The following KCNMA1 variants were observed in gnomAD, a reference collection of about 807,000 sequenced individuals.
KCNMA1 encodes potassium calcium-activated channel subfamily M alpha 1.
Under a neutral mutation model 140.0 loss-of-function variants are expected in KCNMA1, and 29 were observed. That is an observed-to-expected ratio of 0.21 (90% CI 0.15 to 0.28). The LOEUF is 0.28. Among genes scored for constraint, KCNMA1 ranks in the 10% least tolerant of loss-of-function variants. The probability of loss-of-function intolerance (pLI) is 1.00; values close to 1 mark genes in which losing one functional copy is unlikely to be tolerated. For missense variants in KCNMA1, 880 were observed against 1,602.2 expected (o/e 0.55, Z 7.70); for synonymous variants, 612 against 611.9 (o/e 1.00, Z 0.00).
intron 2 of KCNMA1, among the ~76,000 whole-genome samples, chr10:77,298,754 C>T (rs1462573698): frequency 1.3e-5 from 2 of 152,280 alleles, no homozygotes; most frequent in African/African-American, 4.8e-5. Context: ...AGAGAAATGG[C>T]CCTCGGCATC....
chr10:77,437,660 A>C (rs927463646), intron 1 of KCNMA1, among the ~76,000 whole-genome samples: 3 of 152,152 alleles, frequency 2.0e-5, no homozygotes, highest in Non-Finnish European at 4.4e-5. Context: ...CATTGGACCA[A>C]GCTTCTGAAT....
chr10:77,342,922 G>A (rs2091301568), intron 2 of KCNMA1, among the ~76,000 whole-genome samples: 1 of 152,186 alleles, frequency 6.6e-6, no homozygotes, highest in African/African-American at 2.4e-5. Context: ...CTGCAGGGCT[G>A]TGGAAAGGAC....
chr10:76,966,629 C>T (rs963839634), intron 20 of KCNMA1, among the ~76,000 whole-genome samples: 26 of 152,142 alleles, frequency 1.7e-4, no homozygotes, highest in Non-Finnish European at 7.3e-5. Flanking sequence ...GGCACCACCC[C>T]ACTAAGTAGG....
intron 2 of KCNMA1, among the ~76,000 whole-genome samples, chr10:77,313,390 C>T (rs555163703): frequency 2.6e-5 from 4 of 152,292 alleles, no homozygotes; most frequent in East Asian, 1.9e-4. Flanking sequence ...AAGCCACTCA[C>T]GACAGAGTCC....
intron 3 of KCNMA1, among the ~76,000 whole-genome samples, chr10:77,212,021 T>C (rs2046251138): frequency 6.6e-6 from 1 of 152,192 alleles, no homozygotes; most frequent in Non-Finnish European, 1.5e-5. Flanking sequence ...GTTCAGCCAA[T>C]GTGGAAAGCA....
chr10:77,045,148 A>T (rs1461592677), intron 14 of KCNMA1, among the ~76,000 whole-genome samples: 2 of 152,200 alleles, frequency 1.3e-5, no homozygotes, highest in Non-Finnish European at 2.9e-5. Context: ...AAAATAGTAC[A>T]TGCTGTTCCC....
chr10:77,255,219 G>A (rs1342277720), intron 2 of KCNMA1, among the ~76,000 whole-genome samples: 1 of 152,200 alleles, frequency 6.6e-6, no homozygotes, highest in Non-Finnish European at 1.5e-5. Context: ...GAACAATGGT[G>A]TTTGAGTCAT....
chr10:77,540,799 G>A (rs908454945), intron 1 of KCNMA1, among the ~76,000 whole-genome samples: 1 of 152,100 alleles, frequency 6.6e-6, no homozygotes, highest in Non-Finnish European at 1.5e-5. Flanking sequence ...TCAGGAGTTG[G>A]AGACCAGCCT....
Position 76,884,950 on chromosome 10 carries a change from A to T in KCNMA1, c.*2316T>A. The T allele has an allele frequency of 6.5e-7, 1 of 1,533,150 alleles. No homozygotes were observed. The highest frequency in any genetic ancestry group is 8.8e-7 in the Non-Finnish European group (1 of 1,139,886). The allele number at this position is 1,533,150 out of a possible 1,614,324, so 95.0% of individuals were successfully genotyped here. The stretch of plus-strand genomic sequence containing the variant: ...GACAACGTTATAGAAGAAAACCCCC[A>T]GCAGTGGCTAGGTCATGCAGAACCA... On this transcript the variant is annotated 3_prime_UTR_variant, in exon 28 of 28. Transcript: ENST00000286628.
chr10:76,992,670 C>T (rs968954050), intron 19 of KCNMA1, among the ~76,000 whole-genome samples: 1 of 152,140 alleles, frequency 6.6e-6, no homozygotes, highest in African/African-American at 2.4e-5. Context: ...AGTGCTTTTC[C>T]ATGCAGTTTT....
At chr10:76,912,058 G>C (rs773052027) in intron 24 of KCNMA1, 15 of 152,300 alleles carry the variant, frequency 9.8e-5, no homozygotes, top group Non-Finnish European at 1.8e-4. Flanking sequence ...TAGGAAAAGC[G>C]CTCCAAGAGA....
intron 1 of KCNMA1, among the ~76,000 whole-genome samples, chr10:77,554,615 A>G (rs866581728): frequency 2.6e-4 from 38 of 144,798 alleles, no homozygotes; most frequent in African/African-American, 5.5e-4. Context: ...AAAAAAAAAA[A>G]AAAGAAAGAA....
At chr10:77,047,950 G>A (rs1211889767) in intron 14 of KCNMA1, among the ~76,000 whole-genome samples, 3 of 151,960 alleles carry the variant, frequency 2.0e-5, no homozygotes, top group Non-Finnish European at 4.4e-5. Context: ...CCAGGGTTTA[G>A]CTTTTATTTC....
chr10:77,491,714 T>TACACACACACACACAC (rs3071912), intron 1 of KCNMA1, among the ~76,000 whole-genome samples: 2 of 145,484 alleles, frequency 1.4e-5, no homozygotes, highest in African/African-American at 2.5e-5. Context: ...TTAGAAGTCA[T>TACACACACACACACAC]ACACACACAC....
chr10:77,021,326 C>T (rs530198698), intron 16 of KCNMA1, among the ~76,000 whole-genome samples: 2 of 152,174 alleles, frequency 1.3e-5, no homozygotes, highest in African/African-American at 4.8e-5. Context: ...CGCTAGCTTA[C>T]AATGCCTCTA....
intron 14 of KCNMA1, among the ~76,000 whole-genome samples, chr10:77,040,942 T>C (rs1350016779): frequency 6.6e-6 from 1 of 152,326 alleles, no homozygotes; most frequent in African/African-American, 2.4e-5. Context: ...GCAACCCTCT[T>C]CATGCTAGGC....
chr10:77,616,888 T>C (rs532616506), intron 1 of KCNMA1, among the ~76,000 whole-genome samples: 1 of 151,558 alleles, frequency 6.6e-6, no homozygotes, highest in South Asian at 2.1e-4. Context: ...TCCAAGTGAG[T>C]GAACTGAGGC....
intron 2 of KCNMA1, among the ~76,000 whole-genome samples, chr10:77,359,165 G>T (rs181914779): frequency 6.6e-6 from 1 of 152,282 alleles, no homozygotes; most frequent in East Asian, 1.9e-4. Flanking sequence ...CAACCCAGAG[G>T]TGTCCTCACT....
At chr10:77,026,336 T>G (rs958753306) in intron 16 of KCNMA1, among the ~76,000 whole-genome samples, 1 of 152,150 alleles carries the variant, frequency 6.6e-6, no homozygotes, top group African/African-American at 2.4e-5. Context: ...TTTTGAAAGA[T>G]GCACAAAAGT....
Sources: allele counts gnomAD v4.1 joint callset (sites outside exome capture counted in the v4.1 genomes callset), GRCh38; gene constraint gnomAD v4.1.1; transcripts MANE v1.5; gene names NCBI Gene and HGNC (gene_info 2026-07-23, HGNC 2026-07-21).